IL17RD: variants seen among roughly 807,000 people sequenced by gnomAD.
IL17RD encodes the protein interleukin-17 receptor D.
In IL17RD, 52 loss-of-function variants were observed where a neutral mutation model predicts 80.5. The observed-to-expected ratio is 0.65, with a 90% CI of 0.52 to 0.81. IL17RD has a LOEUF of 0.81. Among genes scored for constraint, IL17RD ranks in the 40% least tolerant of loss-of-function variants. The pLI, the probability that IL17RD is intolerant of heterozygous loss-of-function variation, is 0.00. For missense variants in IL17RD, 1,024 were observed against 955.1 expected, an observed-to-expected ratio of 1.07 and a Z score of -0.95; for synonymous variants, 416 against 391.8, an observed-to-expected ratio of 1.06 and a Z score of -0.73.
rs1430519391 is a variant in IL17RD at position 57,147,019 on chromosome 3, T to C, written c.126+18142A>G. Among the ~76,000 whole-genome samples the C allele has an allele frequency of 8.2e-5, 12 of 146,880 alleles. No individual in the cohort carries two copies. The South Asian group carries it at 1.5e-3, about 19-fold the overall frequency. On this transcript the variant is annotated intron_variant, in intron 1 of 12. Coordinates refer to ENST00000296318, the MANE Select transcript of IL17RD (RefSeq NM_017563.5). The stretch of plus-strand genomic sequence containing the variant: ...TTTTTTTTTTTTTTTGTATTTTTAG[T>C]AGAGACAGGGTTTCACCACATTGGC...
In IL17RD at chr3:57,092,753, G is replaced by C. The variant is rs538089050; in HGVS notation, c.*3640C>G. On this transcript the variant is annotated 3_prime_UTR_variant, in exon 13 of 13. Coordinates refer to ENST00000296318, the MANE Select transcript of IL17RD (RefSeq NM_017563.5). ...TCAGAATCACGTCAAATTTCTTTGC[G>C]GGGGAGACTGGAGAAAGAAGCAATC... is the stretch of plus-strand genomic sequence containing the variant. 3.9e-5 allele frequency: 6 copies of C among 152,234 alleles called. No individual in the cohort carries two copies. Among genetic ancestry groups the C allele is most frequent in the East Asian group, 1.9e-4 (1 of 5,178 alleles). The allele number at this position is 152,234 out of a possible 1,614,324, so 9.4% of individuals were successfully genotyped here.
intron 3 of IL17RD, 39 bp downstream of exon 3, chr3:57,114,653 C>A: frequency 1.3e-6 from 2 of 1,560,800 alleles, no homozygotes; most frequent in Non-Finnish European, 1.7e-6. Context: ...GCCCTATCCA[C>A]CCAGGTTATC....
At chr3:57,133,396 T>A (rs993017187) in intron 1 of IL17RD, among the ~76,000 whole-genome samples, 2 of 152,082 alleles carry the variant, frequency 1.3e-5, no homozygotes, top group African/African-American at 4.8e-5. Context: ...GGAATTTCCA[T>A]TAAAGCACAC....
intron 1 of IL17RD, among the ~76,000 whole-genome samples, chr3:57,156,238 A>T (rs867229699): frequency 2.0e-5 from 3 of 152,132 alleles, no homozygotes; most frequent in Admixed American, 2.0e-4. Flanking sequence ...TATTGGAAAG[A>T]GCATGGTCAG....
rs938154424 is a variant in IL17RD at position 57,094,165 on chromosome 3, C to T, written c.*2228G>A. 4 of 152,126 alleles carry T rather than the reference C, an allele frequency of 2.6e-5. No individual in the cohort carries two copies. Among genetic ancestry groups the T allele is most frequent in the Admixed American group, 6.6e-5 (1 of 15,264 alleles). The allele number at this position is 152,126 out of a possible 1,614,324, so 9.4% of individuals were successfully genotyped here. On this transcript the variant is annotated 3_prime_UTR_variant, in exon 13 of 13. Coordinates refer to ENST00000296318, the MANE Select transcript of IL17RD (RefSeq NM_017563.5). ...GCTTTGCTTAAAACAGATGTTTTGC[C>T]GTAATCTGCAGGGCAACGATTCCCA...
At chr3:57,103,869 TA>T (rs554137550) in intron 8 of IL17RD, among the ~76,000 whole-genome samples, 1,686 of 152,264 alleles carry the variant, frequency 0.011, 35 homozygotes, top group African/African-American at 0.038. Flanking sequence ...CACGCCCAGC[TA>T]ATTTTTGTAT....
At chr3:57,136,825 A>G (rs554451267) in intron 1 of IL17RD, among the ~76,000 whole-genome samples, 1 of 152,252 alleles carries the variant, frequency 6.6e-6, no homozygotes, top group East Asian at 1.9e-4. Context: ...AGTGAGAATA[A>G]GGCTAAACTA....
At chr3:57,119,919 C>T (rs1707297480) in intron 2 of IL17RD, among the ~76,000 whole-genome samples, 1 of 152,222 alleles carries the variant, frequency 6.6e-6, no homozygotes, top group Non-Finnish European at 1.5e-5. Flanking sequence ...CCACCATTCC[C>T]TAGCACCCTG....
At chr3:57,161,021 G>T (rs1391352268) in intron 1 of IL17RD, among the ~76,000 whole-genome samples, 3 of 152,210 alleles carry the variant, frequency 2.0e-5, no homozygotes, top group Non-Finnish European at 4.4e-5. Flanking sequence ...GGGGCTTGGG[G>T]TTGGGTGGAT....
intron 1 of IL17RD, among the ~76,000 whole-genome samples, chr3:57,127,410 ATATTT>A (rs1193747548): frequency 2.3e-5 from 2 of 85,998 alleles, no homozygotes; most frequent in Admixed American, 1.7e-4. Context: ...ATATATATAT[ATATTT>A]TTTTTTTGAG....
chr3:57,125,773 T>C (rs1276525922), intron 1 of IL17RD, among the ~76,000 whole-genome samples: 1 of 152,204 alleles, frequency 6.6e-6, no homozygotes, highest in African/African-American at 2.4e-5. Flanking sequence ...GGAGGCCTAG[T>C]AACTCCAGTT....
chr3:57,104,335 T>C lies in IL17RD; in HGVS notation c.813+7A>G. 2 of 1,592,338 alleles carry C rather than the reference T, an allele frequency of 1.3e-6. No homozygotes were observed. The highest frequency in any genetic ancestry group is 1.7e-6 in the Non-Finnish European group (2 of 1,162,000). On this transcript the variant is annotated splice_region_variant and intron_variant, in intron 8 of 12. Coordinates refer to ENST00000296318, the MANE Select transcript of IL17RD (RefSeq NM_017563.5). ...GCATTAATAGGGCTTTCTTGTGTTA[T>C]GCATACCTCAATTATATAATCCCCT...
chr3:57,131,937 G>A (rs1707617584), intron 1 of IL17RD, among the ~76,000 whole-genome samples: 1 of 152,224 alleles, frequency 6.6e-6, no homozygotes, highest in African/African-American at 2.4e-5. Flanking sequence ...TGTAATCCCA[G>A]CATTTTGGGA....
intron 1 of IL17RD, among the ~76,000 whole-genome samples, chr3:57,129,214 A>C (rs774051190): frequency 2.0e-5 from 3 of 152,160 alleles, no homozygotes; most frequent in East Asian, 1.9e-4. Context: ...GAGGAAGCAA[A>C]CAACCAACCA....
chr3:57,109,720 G>A lies in IL17RD; in HGVS notation c.430-63C>T, dbSNP rs986174899. Reference sequence around the variant, plus strand: ...ATTACCCACCCCTCCACCTTCATAAGGTCTTCGCTCCTACCCCAACTGCCA... The same window carrying A: ...ATTACCCACCCCTCCACCTTCATAAAGTCTTCGCTCCTACCCCAACTGCCA... On this transcript the variant is annotated intron_variant, in intron 4 of 12. Coordinates refer to ENST00000296318, the MANE Select transcript of IL17RD (RefSeq NM_017563.5). 9 of 1,544,118 alleles carry A rather than the reference G, an allele frequency of 5.8e-6. No homozygotes were observed. The African/African-American group carries it at 1.1e-4, about 19-fold the overall frequency.
chr3:57,135,360 T>C (rs968989215), intron 1 of IL17RD, among the ~76,000 whole-genome samples: 1 of 152,230 alleles, frequency 6.6e-6, no homozygotes, highest in Non-Finnish European at 1.5e-5. Flanking sequence ...CTTCCCCAAC[T>C]GCCTGCGAAG....
intron 1 of IL17RD, among the ~76,000 whole-genome samples, chr3:57,140,629 T>C (rs1317174489): frequency 6.6e-6 from 1 of 152,210 alleles, no homozygotes; most frequent in Non-Finnish European, 1.5e-5. Flanking sequence ...AAAGGCTTAG[T>C]GGGTCAGTTT....
At position 57,138,517 on chromosome 3, in the gene IL17RD, T is replaced by C. The variant is rs35625747; in HGVS notation, c.127-18204A>G. Reference sequence around the variant, plus strand: ...GATCAAAGGACAGGTCTGAGAGGCATTTTTAAGGAAAAAATAGCAGGACTT... The same window carrying C: ...GATCAAAGGACAGGTCTGAGAGGCACTTTTAAGGAAAAAATAGCAGGACTT... On this transcript the variant is annotated intron_variant, in intron 1 of 12. Coordinates refer to ENST00000296318, the MANE Select transcript of IL17RD (RefSeq NM_017563.5). Among the ~76,000 whole-genome samples the C allele has an allele frequency of 4.0e-3, 607 of 152,240 alleles. 3 individuals carry two copies. Among genetic ancestry groups the C allele is most frequent in the African/African-American group, 0.014 (574 of 41,554 alleles).
At chr3:57,134,621 C>A in intron 1 of IL17RD, 1 of 874,636 alleles carries the variant, frequency 1.1e-6, no homozygotes, top group Non-Finnish European at 1.9e-6. Flanking sequence ...CTAAGGCCCG[C>A]AGGTCTAAGA....
Sources: gnomAD v4.1 joint callset for allele counts (sites outside exome capture counted in the v4.1 genomes callset) on GRCh38, gnomAD v4.1.1 for gene constraint, MANE v1.5 for transcripts, NCBI Gene and HGNC (gene_info 2026-07-23, HGNC 2026-07-21) for gene names.